CRLS1: variants seen among roughly 807,000 people sequenced by gnomAD.
CRLS1 encodes the protein cardiolipin synthase 1, also known as cardiolipin synthase (CMP-forming).
CRLS1 carries 24 observed loss-of-function variants against 37.0 expected under a neutral mutation model. That is an observed-to-expected ratio of 0.65 (90% CI 0.47 to 0.91). The LOEUF is 0.91. Ranked by LOEUF, CRLS1 falls within the 40% of genes least tolerant of loss-of-function variation. The pLI is 0.00. For missense variants in CRLS1, 373 were observed against 395.8 expected (o/e 0.94, Z 0.49); for synonymous variants, 135 against 159.7 (o/e 0.85, Z 1.17).
intron 3 of CRLS1, among the ~76,000 whole-genome samples, chr20:6,029,540 G>C (rs887676226): frequency 6.6e-6 from 1 of 151,980 alleles, no homozygotes; most frequent in Non-Finnish European, 1.5e-5. Context: ...TGTATTTTTA[G>C]TAGAGATGGG....
intron 1 of CRLS1, among the ~76,000 whole-genome samples, chr20:6,008,138 TCTTCAGAAATGGAATTTTAAAA>T (rs2090084593): frequency 1.2e-4 from 2 of 16,692 alleles, no homozygotes; most frequent in African/African-American, 7.1e-4. Flanking sequence ...TTTAAAAGAA[TCTTCAGAAATGGAATTTTAAAA>T]GAATCTTCAG....
intron 3 of CRLS1, among the ~76,000 whole-genome samples, chr20:6,020,083 A>AT (rs1364519358): frequency 1.3e-5 from 2 of 152,234 alleles, no homozygotes; most frequent in Non-Finnish European, 2.9e-5. Context: ...AAATTGATAT[A>AT]TTTTAAGTAA....
rs750418178 is a variant in CRLS1, at chr20:6,031,288, CACTT to C, written c.585_588del (p.Tyr196Ter). The C allele has an allele frequency of 1.3e-5, 20 of 1,597,622 alleles. No individual in the cohort carries two copies. The highest frequency in any genetic ancestry group is 1.7e-5 in the Non-Finnish European group (20 of 1,170,242). On this transcript the variant is annotated frameshift_variant, in exon 4 of 7. Coordinates refer to ENST00000378863, the MANE Select transcript of CRLS1 (RefSeq NM_019095.6). LOFTEE classifies it high-confidence loss of function. ...TTATTTTATGTTTGATTTTCAGTTCCACTTACTTACATGATCATTTCGAGAGATG... is the reference window on the plus strand; with the variant it reads ...TTATTTTATGTTTGATTTTCAGTTCCACTTACATGATCATTTCGAGAGATG...
intron 1 of CRLS1, 24 bp downstream of exon 1, chr20:6,006,576 GGGCC>G: frequency 8.0e-7 from 1 of 1,256,446 alleles, no homozygotes; most frequent in Non-Finnish European, 1.0e-6. Flanking sequence ...AGGCGGCGGC[GGGCC>G]GGCCCTGGGC....
At position 6,039,282 on chromosome 20, in the gene CRLS1, TGTGTGTGTGTGTG is replaced by T. The variant is rs1568637028; in HGVS notation, c.*2125_*2137del. On this transcript the variant is annotated 3_prime_UTR_variant, in exon 7 of 7. Coordinates refer to ENST00000378863, the MANE Select transcript of CRLS1 (RefSeq NM_019095.6). ...TTGTTTGTGTGTGTGTGTGTGTGTG[TGTGTGTGTGTGTG>T]TGTGTGTGTATTTTGTTTTTTTTAC... The T allele has an allele frequency of 6.6e-6, 1 of 151,350 alleles. No homozygotes were observed. The highest frequency in any genetic ancestry group is 1.5e-5 in the Non-Finnish European group (1 of 67,810). The allele number at this position is 151,350 out of a possible 1,614,324, so 9.4% of individuals were successfully genotyped here.
At chr20:6,017,642 A>G (rs1199964719) in intron 3 of CRLS1, among the ~76,000 whole-genome samples, 1 of 152,082 alleles carries the variant, frequency 6.6e-6, no homozygotes, top group Non-Finnish European at 1.5e-5. Flanking sequence ...ATTTGTTTCC[A>G]TTTGTTACAA....
chr20:6,036,923 T>C (rs1980594594), intron 6 of CRLS1, 151 bp from the exon 7 acceptor site: 1 of 560,614 alleles, frequency 1.8e-6, no homozygotes, highest in Non-Finnish European at 3.1e-6. Flanking sequence ...ATTTAGACTC[T>C]TGTAGTTAAG....
intron 1 of CRLS1, among the ~76,000 whole-genome samples, chr20:6,009,284 C>T (rs1300409427): frequency 5.3e-5 from 8 of 150,286 alleles, no homozygotes; most frequent in African/African-American, 7.4e-5. Context: ...GATTGTGCCA[C>T]TGCACTCCAG....
chr20:6,015,749 G>A (rs1176207825), intron 3 of CRLS1: 4 of 351,994 alleles, frequency 1.1e-5, no homozygotes, highest in Non-Finnish European at 2.1e-5. Context: ...ATATTTCACA[G>A]TGCCAATTCA....
chr20:6,034,397 G>T, intron 5 of CRLS1, 67 bp from the exon 6 acceptor site: 1 of 1,105,298 alleles, frequency 9.0e-7, no homozygotes, highest in Non-Finnish European at 1.4e-6. Context: ...CTGTGCTTTT[G>T]TCTTGAAAGC....
chr20:6,019,316 T>G (rs1979023946), intron 3 of CRLS1, among the ~76,000 whole-genome samples: 1 of 152,190 alleles, frequency 6.6e-6, no homozygotes, highest in Non-Finnish European at 1.5e-5. Context: ...TAGGAATTTG[T>G]CCATTTGGTC....
intron 2 of CRLS1, 124 bp from the exon 3 acceptor site, chr20:6,015,237 A>T (rs560034974): frequency 1.8e-6 from 1 of 549,102 alleles, no homozygotes. Flanking sequence ...GGTAAGAAAC[A>T]GAAGACATTT....
intron 2 of CRLS1, among the ~76,000 whole-genome samples, chr20:6,011,085 G>A (rs1279152062): frequency 1.1e-4 from 16 of 152,060 alleles, no homozygotes; most frequent in Admixed American, 2.6e-4. Flanking sequence ...GGAAAAGATG[G>A]AGGAATAATT....
intron 4 of CRLS1, 81 bp downstream of exon 4, chr20:6,031,451 C>T: frequency 2.8e-6 from 3 of 1,056,286 alleles, no homozygotes; most frequent in Non-Finnish European, 4.2e-6. Context: ...TTTGCGTCAA[C>T]ATCTTTTCAA....
At position 6,036,970 on chromosome 20, in the gene CRLS1, T is replaced by A. The variant is rs1184397856; in HGVS notation, c.822-104T>A. The A allele has an allele frequency of 1.2e-5, 10 of 806,080 alleles. No homozygotes were observed. In the East Asian group the frequency reaches 2.5e-4, roughly 20 times the overall value. 49.9% of individuals were successfully genotyped at this position (806,080 alleles called of 1,614,324 possible). On this transcript the variant is annotated intron_variant, in intron 6 of 6. Transcript: ENST00000378863. Reference sequence around the variant, plus strand: ...CACAGAGCCCTTTTTACTTTTTAAATTCATTTTTACATTTTAAATTCATTG... The same window carrying A: ...CACAGAGCCCTTTTTACTTTTTAAAATCATTTTTACATTTTAAATTCATTG...
chr20:6,009,861 A>C lies in CRLS1; in HGVS notation c.393A>C (p.Glu131Asp). ...APVLGYLIIE[E>D]DFNIALGVFA... Reference sequence around the variant, plus strand: ...TTCTGGGCTATTTGATTATTGAAGAAGATTTTAATATTGCACTAGGAGTTT... The same window carrying C: ...TTCTGGGCTATTTGATTATTGAAGACGATTTTAATATTGCACTAGGAGTTT... The change falls in exon 2 of 7, where the codon GAA (glutamate) becomes GAC (aspartate). Residue 131 changes from glutamate to aspartate, a missense_variant. By Grantham distance (45) the Glu-to-Asp change is conservative. Transcript: ENST00000378863. The C allele has an allele frequency of 6.2e-7, 1 of 1,614,130 alleles. No individual in the cohort carries two copies. Among genetic ancestry groups the C allele is most frequent in the Non-Finnish European group, 8.5e-7 (1 of 1,179,980 alleles).
intron 3 of CRLS1, among the ~76,000 whole-genome samples, chr20:6,019,773 T>C (rs1979098652): frequency 6.7e-6 from 1 of 149,464 alleles, no homozygotes; most frequent in South Asian, 2.1e-4. Flanking sequence ...GTGATTCTCC[T>C]GCCTCAGCCT....
intron 6 of CRLS1, 48 bp from the exon 7 acceptor site, chr20:6,037,026 A>AT (rs34016728): frequency 1.5e-6 from 2 of 1,357,618 alleles, no homozygotes; most frequent in Admixed American, 1.8e-5. Flanking sequence ...CGTTGCTACT[A>AT]TTTTTTAGAC....
In CRLS1 at chr20:6,006,182, G is replaced by A. The variant is rs758655060; in HGVS notation, c.-65G>A. ...GTTGCCGGGTCTCCATGGAGAAGCG[G>A]CTCGCCAGTGTCCCAGGCTGCTGAG... is the stretch of plus-strand genomic sequence containing the variant. On this transcript the variant is annotated 5_prime_UTR_variant, in exon 1 of 7. Transcript: ENST00000378863. 459 of 973,332 alleles carry A rather than the reference G, an allele frequency of 4.7e-4. No homozygotes were observed. The Middle Eastern group carries it at 7.6e-3, about 16-fold the overall frequency. The allele number at this position is 973,332 out of a possible 1,614,324, so 60.3% of individuals were successfully genotyped here.
Sources: allele counts gnomAD v4.1 joint callset (sites outside exome capture counted in the v4.1 genomes callset), GRCh38; gene constraint gnomAD v4.1.1; transcripts MANE v1.5; gene names NCBI Gene and HGNC (gene_info 2026-07-23, HGNC 2026-07-21).